Variants in FSIP1 observed in about 807,000 individuals in gnomAD.
The protein encoded by FSIP1 is fibrous sheath interacting protein 1.
In FSIP1, 65 loss-of-function variants were observed where a neutral mutation model predicts 60.9. The ratio of observed to expected loss-of-function variants is 1.07; its 90% confidence interval spans 0.87 to 1.31. The LOEUF (loss-of-function observed/expected upper bound fraction) is 1.31, where lower values mean the gene tolerates loss of function less well. Among genes scored for constraint, FSIP1 ranks in the 40% most tolerant of loss-of-function variants. FSIP1 has a pLI of 0.00. For synonymous variants in FSIP1, 209 were observed against 221.2 expected (o/e 0.94, Z 0.49); for missense variants, 675 against 665.5 (o/e 1.01, Z -0.16).
At chr15:39,669,842 A>T (rs1240701069) in intron 10 of FSIP1, among the ~76,000 whole-genome samples, 1 of 152,224 alleles carries the variant, frequency 6.6e-6, no homozygotes. Context: ...CATTTTTGCC[A>T]GCAAAGCCAG....
At chr15:39,623,357 C>T (rs1019295817) in intron 10 of FSIP1, among the ~76,000 whole-genome samples, 1 of 152,120 alleles carries the variant, frequency 6.6e-6, no homozygotes, top group Non-Finnish European at 1.5e-5. Flanking sequence ...AAGCTTACTT[C>T]GGGTGTTTTT....
chr15:39,645,520 AAC>A (rs1278585929), intron 10 of FSIP1, among the ~76,000 whole-genome samples: 1 of 152,102 alleles, frequency 6.6e-6, no homozygotes, highest in Non-Finnish European at 1.5e-5. Context: ...GGGAGCCAGG[AAC>A]AGTCAGGATC....
In FSIP1 at chr15:39,658,783, C is replaced by T. The variant is rs183147141; in HGVS notation, c.1189-40538G>A. Among the ~76,000 whole-genome samples, 12 of 152,216 alleles carry T rather than the reference C, an allele frequency of 7.9e-5. No individual in the cohort carries two copies. The East Asian group carries it at 1.9e-3, about 24-fold the overall frequency. ...TTCAAAAAGCAAAACATTGAGCTGC[C>T]GTATGACCCAGAAACTCCACCCCTA... On this transcript the variant is annotated intron_variant, in intron 10 of 11. Transcript: ENST00000350221.
intron 11 of FSIP1, among the ~76,000 whole-genome samples, chr15:39,603,667 T>G (rs993582496): frequency 6.6e-6 from 1 of 152,138 alleles, no homozygotes; most frequent in African/African-American, 2.4e-5. Flanking sequence ...AATGACAAGA[T>G]GGATGGCTGG....
Position 39,741,830 on chromosome 15 carries a change from T to C in FSIP1, c.630A>G (p.Glu210=), listed in dbSNP as rs1896812189. ...FHTQIPPEEY[E]MQMQKLNKDF... ...CTTTATTGAGTTTCTGCATCTGCAT[T>C]TCATATTCTTCTGGAGGGATTTGAG... The change falls in exon 6 of 12, where the codon GAA becomes GAG. Residue 210 remains glutamate, a synonymous_variant. Transcript: ENST00000350221. 1.9e-6 allele frequency: 3 copies of C among 1,597,798 alleles called. No homozygotes were observed. The highest frequency in any genetic ancestry group is 2.6e-6 in the Non-Finnish European group (3 of 1,165,852).
chr15:39,730,420 G>T (rs771394913), intron 8 of FSIP1, among the ~76,000 whole-genome samples: 1 of 152,168 alleles, frequency 6.6e-6, no homozygotes, highest in Non-Finnish European at 1.5e-5. Flanking sequence ...TGCAAAAAGA[G>T]GACAGAAGAA....
At chr15:39,658,630 T>C (rs545341894) in intron 10 of FSIP1, among the ~76,000 whole-genome samples, 13 of 152,198 alleles carry the variant, frequency 8.5e-5, no homozygotes, top group African/African-American at 3.1e-4. Context: ...AATAAGAATG[T>C]TGTACTAAGA....
At chr15:39,733,045 T>TA (rs1896469486) in intron 8 of FSIP1, among the ~76,000 whole-genome samples, 2 of 152,176 alleles carry the variant, frequency 1.3e-5, no homozygotes, top group Non-Finnish European at 2.9e-5. Context: ...AATATTAGTG[T>TA]AAATATTTTT....
chr15:39,702,436 T>TA (rs1566892096), intron 10 of FSIP1, among the ~76,000 whole-genome samples: 1 of 142,192 alleles, frequency 7.0e-6, no homozygotes, highest in South Asian at 2.3e-4. Flanking sequence ...AACTACTTTT[T>TA]AAAAAATATT....
At chr15:39,768,384 A>C (rs865989222) in intron 3 of FSIP1, among the ~76,000 whole-genome samples, 1 of 152,242 alleles carries the variant, frequency 6.6e-6, no homozygotes, top group African/African-American at 2.4e-5. Flanking sequence ...ATAGCTATTG[A>C]TAATGAACAT....
chr15:39,724,499 G>A (rs764574842), intron 9 of FSIP1, among the ~76,000 whole-genome samples: 6 of 152,018 alleles, frequency 3.9e-5, no homozygotes, highest in Admixed American at 1.3e-4. Context: ...TGATCTACAC[G>A]CCTCAGCCTC....
At chr15:39,700,385 C>T (rs1324110204) in intron 10 of FSIP1, among the ~76,000 whole-genome samples, 2 of 152,046 alleles carry the variant, frequency 1.3e-5, no homozygotes, top group African/African-American at 4.8e-5. Context: ...CTTATATTTT[C>T]GATCAGTCTC....
chr15:39,686,311 C>T (rs887737694), intron 10 of FSIP1, among the ~76,000 whole-genome samples: 8 of 152,156 alleles, frequency 5.3e-5, no homozygotes, highest in African/African-American at 1.9e-4. Flanking sequence ...AAATTCAAAC[C>T]CAGGTGCCTC....
At chr15:39,719,598 AT>A (rs1002807838) in intron 9 of FSIP1, among the ~76,000 whole-genome samples, 5 of 152,260 alleles carry the variant, frequency 3.3e-5, no homozygotes, top group Non-Finnish European at 7.3e-5. Context: ...ATGCGTTAGG[AT>A]TGGGAAAATA....
chr15:39,611,785 T>C (rs1891044962), intron 11 of FSIP1, among the ~76,000 whole-genome samples: 1 of 152,202 alleles, frequency 6.6e-6, no homozygotes, highest in Non-Finnish European at 1.5e-5. Flanking sequence ...CTCACTTTAC[T>C]AGTAAGAAAA....
chr15:39,673,378 A>G (rs891188324), intron 10 of FSIP1, among the ~76,000 whole-genome samples: 1 of 152,194 alleles, frequency 6.6e-6, no homozygotes, highest in Non-Finnish European at 1.5e-5. Flanking sequence ...CAGTGACCCA[A>G]TCATAGCTCA....
chr15:39,714,928 G>A lies in FSIP1; in HGVS notation c.1051-1347C>T, dbSNP rs573370581. Among the ~76,000 whole-genome samples, 11 of 137,910 alleles carry A rather than the reference G, an allele frequency of 8.0e-5. No individual in the cohort carries two copies. In the East Asian group the frequency reaches 1.5e-3, roughly 19 times the overall value. 90.5% of individuals were successfully genotyped at this position (137,910 alleles called of 152,430 possible). ...GTCGAGGCTGCAGTGAGCTGTGATC[G>A]CACCACTGCACTGCAGACTGGGCAA... On this transcript the variant is annotated intron_variant, in intron 9 of 11. Coordinates refer to ENST00000350221, the MANE Select transcript of FSIP1 (RefSeq NM_152597.5).
intron 10 of FSIP1, among the ~76,000 whole-genome samples, chr15:39,700,844 T>C (rs1420431057): frequency 3.3e-5 from 5 of 152,120 alleles, no homozygotes; most frequent in African/African-American, 2.4e-5. Context: ...CCATTCCAGG[T>C]GAGTTCCCAT....
chr15:39,754,207 G>A (rs1163668268), intron 5 of FSIP1, among the ~76,000 whole-genome samples: 1 of 152,014 alleles, frequency 6.6e-6, no homozygotes, highest in Admixed American at 6.6e-5. Context: ...AAGAAACTGA[G>A]GTCTGCAAAC....
Sources: allele counts gnomAD v4.1 joint callset (sites outside exome capture counted in the v4.1 genomes callset), GRCh38; gene constraint gnomAD v4.1.1; transcripts MANE v1.5; gene names NCBI Gene and HGNC (gene_info 2026-07-23, HGNC 2026-07-21).